Variants in BUB1B observed in about 807,000 individuals in gnomAD.
BUB1B encodes mitotic checkpoint serine/threonine-protein kinase BUB1 beta.
A neutral mutation model predicts 137.7 loss-of-function variants in BUB1B; 86 were observed. The observed-to-expected ratio is 0.62, with a 90% confidence interval of 0.52 to 0.75. BUB1B has a LOEUF of 0.75. BUB1B is among the 30% of genes least tolerant of loss of function. The pLI is 0.00. For synonymous variants in BUB1B, 420 were observed against 417.9 expected, an observed-to-expected ratio of 1.00 and a Z score of -0.06; for missense variants, 1,130 against 1,236.9, an observed-to-expected ratio of 0.91 and a Z score of 1.30.
At position 40,219,292 on chromosome 15, in the gene BUB1B, T is replaced by C. The variant is rs192772170; in HGVS notation, c.2957+730T>C. On this transcript the variant is annotated intron_variant, in intron 22 of 22. Coordinates refer to ENST00000287598, the MANE Select transcript of BUB1B (RefSeq NM_001211.6). ...CTTACATTTCTAAACTATATGCTAA[T>C]TTTAGGCTATTTTTTATTTAATAAG... Among the ~76,000 whole-genome samples the C allele has an allele frequency of 1.8e-3, 271 of 152,322 alleles. 1 individual carries two copies. The highest frequency in any genetic ancestry group is 6.2e-3 in the African/African-American group (258 of 41,564).
chr15:40,189,654 G>A (rs1450685587), intron 8 of BUB1B, among the ~76,000 whole-genome samples: 1 of 152,136 alleles, frequency 6.6e-6, no homozygotes, highest in Non-Finnish European at 1.5e-5. Context: ...GGCTATTATG[G>A]ATAATGCTGC....
In BUB1B at chr15:40,217,654, C is replaced by T. The variant is rs1199448465; in HGVS notation, c.2837C>T (p.Ser946Phe). 1 of 1,614,168 alleles carries T rather than the reference C, an allele frequency of 6.2e-7. No homozygotes were observed. The change falls in exon 21 of 23, where the codon TCT becomes TTT. Residue 946 changes from serine to phenylalanine, a missense_variant. Ser to Phe is a radical substitution (Grantham distance 155). Coordinates refer to ENST00000287598, the MANE Select transcript of BUB1B (RefSeq NM_001211.6). Reference sequence around the variant, plus strand: ...GGACAAAAGATCCTGGCTAACTGTTCTTCTCCCTACCAGGTAAGTGTAAAA... The same window carrying T: ...GGACAAAAGATCCTGGCTAACTGTTTTTCTCCCTACCAGGTAAGTGTAAAA... ...LEGQKILANC[S>F]SPYQVDLFGI... is the part of the protein sequence containing the mutation.
rs1209491617 is a variant in BUB1B, at chr15:40,208,748, A to T, written c.2121A>T (p.Leu707=). The T allele has an allele frequency of 6.2e-7, 1 of 1,613,052 alleles. No individual in the cohort carries two copies. Among genetic ancestry groups the T allele is most frequent in the Non-Finnish European group, 8.5e-7 (1 of 1,179,132 alleles). ...SIKCLQIPEK[L]ELTNETSENP... Reference sequence around the variant, plus strand: ...AATGTCTTCAAATTCCTGAGAAACTAGAACTTACTAATGAGACTTCAGGTA... The same window carrying T: ...AATGTCTTCAAATTCCTGAGAAACTTGAACTTACTAATGAGACTTCAGGTA... Residue 707 remains leucine (L), a synonymous_variant, in exon 16 of 23, where the codon CTA becomes CTT. Coordinates refer to ENST00000287598, the MANE Select transcript of BUB1B (RefSeq NM_001211.6).
At chr15:40,165,430 T>C (rs923219998) in intron 2 of BUB1B, among the ~76,000 whole-genome samples, 1 of 152,216 alleles carries the variant, frequency 6.6e-6, no homozygotes, top group African/African-American at 2.4e-5. Context: ...GAAACTCTTT[T>C]TATCAATAGA....
intron 9 of BUB1B, 137 bp from the exon 10 acceptor site, chr15:40,199,478 T>G (rs2037537328): frequency 1.4e-6 from 1 of 701,676 alleles, no homozygotes; most frequent in East Asian, 2.8e-5. Flanking sequence ...AGACCACAAG[T>G]TGAGGACCTT....
chr15:40,170,716 T>C (rs2140881890), intron 4 of BUB1B, 35 bp downstream of exon 4: 2 of 1,604,220 alleles, frequency 1.2e-6, no homozygotes, highest in Non-Finnish European at 1.7e-6. Context: ...GAGTTTTAAA[T>C]ATTAAACTAA....
intron 5 of BUB1B, among the ~76,000 whole-genome samples, chr15:40,181,133 CT>C (rs2037287687): frequency 1.3e-5 from 2 of 148,434 alleles, no homozygotes; most frequent in Non-Finnish European, 3.0e-5. Flanking sequence ...GCTCTGTTGC[CT>C]AGGCTGGAGT....
rs1286924073 is a variant in BUB1B, at chr15:40,220,801, G to T, written c.*42G>T. The T allele has an allele frequency of 6.3e-7, 1 of 1,576,172 alleles. No homozygotes were observed. Among genetic ancestry groups the T allele is most frequent in the South Asian group, 1.1e-5 (1 of 90,278 alleles). ...TCACAGATTGCTGCCTCAGAGCAATGGTTGTATTGTGGAACACTGAAACTG... is the reference window on the plus strand; with the variant it reads ...TCACAGATTGCTGCCTCAGAGCAATTGTTGTATTGTGGAACACTGAAACTG... On this transcript the variant is annotated 3_prime_UTR_variant, in exon 23 of 23. Transcript: ENST00000287598.
At chr15:40,163,858 C>A (rs1357610739) in intron 1 of BUB1B, among the ~76,000 whole-genome samples, 3 of 152,132 alleles carry the variant, frequency 2.0e-5, no homozygotes, top group Admixed American at 6.5e-5. Context: ...GTCATAGTTT[C>A]CAAGAAGCTG....
At position 40,218,530 on chromosome 15, in the gene BUB1B, G is replaced by T; in HGVS notation, c.2925G>T (p.Gly975=). ...AACACCTACAGGTCTTCTGGGATGG[G>T]TCCTTCTGGAAACTTAGCCAAAATA... is the stretch of plus-strand genomic sequence containing the variant. ...FKEHLQVFWD[G]SFWKLSQNIS... Residue 975 remains glycine, a synonymous_variant, in exon 22 of 23, where the codon GGG becomes GGT. Transcript: ENST00000287598. The T allele has an allele frequency of 1.2e-6, 2 of 1,613,980 alleles. No homozygotes were observed. Among genetic ancestry groups the T allele is most frequent in the Non-Finnish European group, 1.7e-6 (2 of 1,179,874 alleles).
chr15:40,197,952 A>G (rs2037518091), intron 9 of BUB1B, among the ~76,000 whole-genome samples: 1 of 152,182 alleles, frequency 6.6e-6, no homozygotes, highest in African/African-American at 2.4e-5. Flanking sequence ...AGGTATCTAG[A>G]TAAAAACTGT....
chr15:40,185,530 A>G, intron 7 of BUB1B, 21 bp from the exon 8 acceptor site: 2 of 1,611,820 alleles, frequency 1.2e-6, no homozygotes, highest in Non-Finnish European at 1.7e-6. Context: ...TGGTAATTTT[A>G]GTTTTCTTCT....
chr15:40,190,038 A>C (rs1034449367), intron 8 of BUB1B, among the ~76,000 whole-genome samples: 13 of 152,024 alleles, frequency 8.6e-5, no homozygotes, highest in African/African-American at 3.1e-4. Context: ...TCCTTGGCCT[A>C]TTTTTCCTTT....
intron 2 of BUB1B, among the ~76,000 whole-genome samples, chr15:40,166,694 G>A (rs1042787429): frequency 2.6e-5 from 4 of 152,184 alleles, no homozygotes; most frequent in Non-Finnish European, 5.9e-5. Context: ...TAGAATAGAT[G>A]TATGTTTAAC....
intron 8 of BUB1B, among the ~76,000 whole-genome samples, chr15:40,193,294 A>G (rs747668825): frequency 5.5e-4 from 84 of 152,112 alleles, no homozygotes; most frequent in Non-Finnish European, 6.5e-4. Flanking sequence ...GAGAGCTTCT[A>G]TTGTTCCACA....
intron 8 of BUB1B, among the ~76,000 whole-genome samples, chr15:40,192,129 A>G (rs141246694): frequency 6.6e-6 from 1 of 152,334 alleles, no homozygotes; most frequent in African/African-American, 2.4e-5. Context: ...TGAACATAGG[A>G]TGTCTTTCCA....
Position 40,213,473 on chromosome 15 carries a change from A to G in BUB1B, c.2677A>G (p.Arg893Gly). The stretch of plus-strand genomic sequence containing the variant: ...TCCAAGGTGTCTGATTCTCAGAAAC[A>G]GGTTGGTCCTTTTCATTCTTATAAT... ...LSPRCLILRN[R>G]IHDPYDCNKN... The change falls in exon 20 of 23, where the codon AGA becomes GGA. Residue 893 changes from arginine to glycine, a missense_variant and splice_region_variant. Physicochemically the swap from Arg to Gly is moderately radical, Grantham distance 125. Coordinates refer to ENST00000287598, the MANE Select transcript of BUB1B (RefSeq NM_001211.6). 6.2e-7 allele frequency: 1 copy of G among 1,614,132 alleles called. No individual in the cohort carries two copies. The highest frequency in any genetic ancestry group is 8.5e-7 in the Non-Finnish European group (1 of 1,179,998).
intron 20 of BUB1B, among the ~76,000 whole-genome samples, chr15:40,215,036 G>T (rs143518774): frequency 6.6e-6 from 1 of 152,152 alleles, no homozygotes; most frequent in African/African-American, 2.4e-5. Flanking sequence ...GCCATTTGTG[G>T]TCTAATGAAG....
chr15:40,203,841 CAAACCAGCCTCTG>C (rs2037605219), intron 14 of BUB1B, among the ~76,000 whole-genome samples: 1 of 152,168 alleles, frequency 6.6e-6, no homozygotes, highest in Non-Finnish European at 1.5e-5. Flanking sequence ...TCATTCTCTT[CAAACCAGCCTCTG>C]GAAGCTTGTC....
Sources: gnomAD v4.1 joint callset for allele counts (sites outside exome capture counted in the v4.1 genomes callset) on GRCh38, gnomAD v4.1.1 for gene constraint, MANE v1.5 for transcripts, NCBI Gene and HGNC (gene_info 2026-07-23, HGNC 2026-07-21) for gene names.